PTPDC1: variants seen among roughly 807,000 people sequenced by gnomAD.
PTPDC1 encodes protein tyrosine phosphatase domain-containing protein 1.
Under a neutral mutation model 75.3 loss-of-function variants are expected in PTPDC1, and 53 were observed. The ratio of observed to expected loss-of-function variants is 0.70; its 90% CI spans 0.56 to 0.88. The LOEUF (loss-of-function observed/expected upper bound fraction) is 0.88. Among genes scored for constraint, PTPDC1 ranks in the 40% least tolerant of loss-of-function variants. PTPDC1 has a pLI of 0.00. For missense variants in PTPDC1, 925 were observed against 998.6 expected (o/e 0.93, Z 0.99); for synonymous variants, 349 against 366.2 (o/e 0.95, Z 0.54).
chr9:94,073,165 A>G (rs1826572574), intron 2 of PTPDC1, among the ~76,000 whole-genome samples: 1 of 152,162 alleles, frequency 6.6e-6, no homozygotes, highest in Non-Finnish European at 1.5e-5. Flanking sequence ...CTTTTGGGGA[A>G]CTTTTTGTTT....
chr9:94,101,523 T>C, intron 6 of PTPDC1, 43 bp from the exon 7 acceptor site: 1 of 1,491,594 alleles, frequency 6.7e-7, no homozygotes, highest in Non-Finnish European at 9.3e-7. Context: ...CTCCTCTCCC[T>C]GTCTCTGTCT....
intron 2 of PTPDC1, among the ~76,000 whole-genome samples, chr9:94,067,115 C>T (rs1047589758): frequency 2.0e-5 from 3 of 152,210 alleles, no homozygotes; most frequent in Admixed American, 6.5e-5. Context: ...ATTGGCTGGG[C>T]GCGGTAGCTC....
intron 2 of PTPDC1, among the ~76,000 whole-genome samples, chr9:94,078,964 A>AT (rs1826786932): frequency 6.6e-6 from 1 of 152,234 alleles, no homozygotes; most frequent in Non-Finnish European, 1.5e-5. Context: ...AGGCTTTGGT[A>AT]TATCAGATGC....
intron 2 of PTPDC1, 49 bp downstream of exon 2, chr9:94,085,471 C>T (rs1005961807): frequency 6.3e-7 from 1 of 1,597,576 alleles, no homozygotes; most frequent in Non-Finnish European, 8.6e-7. Context: ...ACAGGAAGGA[C>T]ACTCTGTGTG....
rs375301116 is a variant in PTPDC1 at position 94,087,935 on chromosome 9, C to T, written c.497+24C>T. ...AGGTAAATGCTGTATTGTTCACACACGAGTGAGCAAACTCATGTGTTTTTT... is the reference window on the plus strand; with the variant it reads ...AGGTAAATGCTGTATTGTTCACACATGAGTGAGCAAACTCATGTGTTTTTT... On this transcript the variant is annotated intron_variant, in intron 3 of 8. Transcript: ENST00000620992. The T allele has an allele frequency of 3.6e-5, 56 of 1,572,184 alleles. No homozygotes were observed. The South Asian group carries it at 3.8e-4, about 11-fold the overall frequency.
At chr9:94,064,828 T>C in intron 2 of PTPDC1, 1 of 1,601,194 alleles carries the variant, frequency 6.2e-7, no homozygotes, top group African/African-American at 1.3e-5. Context: ...AAAGGTAATG[T>C]CTCTTTAATA....
At chr9:94,053,823 C>G (rs1288901790) in intron 1 of PTPDC1, among the ~76,000 whole-genome samples, 3 of 152,140 alleles carry the variant, frequency 2.0e-5, no homozygotes, top group Admixed American at 2.0e-4. Flanking sequence ...AAGGATAGTG[C>G]TATTTCTTGT....
At chr9:94,044,289 A>G (rs762359612) in intron 1 of PTPDC1, among the ~76,000 whole-genome samples, 1 of 152,190 alleles carries the variant, frequency 6.6e-6, no homozygotes, top group Non-Finnish European at 1.5e-5. Flanking sequence ...AGAACACAAA[A>G]TATTTCTTCA....
chr9:94,031,643 G>GA (rs1829729293), intron 1 of PTPDC1, among the ~76,000 whole-genome samples: 1 of 151,898 alleles, frequency 6.6e-6, no homozygotes, highest in African/African-American at 2.4e-5. Flanking sequence ...TTCTTAGGGG[G>GA]AAAAAAGATC....
chr9:94,091,999 G>A (rs973490642), intron 4 of PTPDC1, among the ~76,000 whole-genome samples: 11 of 146,846 alleles, frequency 7.5e-5, no homozygotes, highest in East Asian at 5.9e-4. Context: ...TCTTGCTAGC[G>A]GTCTATCAAT....
chr9:94,095,586 G>A (rs1827534426), intron 5 of PTPDC1, 132 bp downstream of exon 5: 2 of 681,422 alleles, frequency 2.9e-6, no homozygotes, highest in Non-Finnish European at 2.5e-6. Context: ...AAGGGAATAA[G>A]TTCTAGTGTT....
intron 1 of PTPDC1, among the ~76,000 whole-genome samples, chr9:94,060,285 G>A (rs1419229639): frequency 2.6e-5 from 4 of 152,212 alleles, no homozygotes; most frequent in Non-Finnish European, 5.9e-5. Flanking sequence ...TACCAGAGCT[G>A]TGTAATGATG....
intron 1 of PTPDC1, among the ~76,000 whole-genome samples, chr9:94,048,062 AT>A (rs1825670158): frequency 6.6e-6 from 1 of 152,118 alleles, no homozygotes; most frequent in African/African-American, 2.4e-5. Context: ...TCCCTTTATC[AT>A]TTTTTATTGC....
chr9:94,094,104 C>A (rs1827436163), intron 4 of PTPDC1, among the ~76,000 whole-genome samples: 1 of 152,240 alleles, frequency 6.6e-6, no homozygotes, highest in Admixed American at 6.5e-5. Flanking sequence ...CTCCATCCAG[C>A]TTTGTTCCGT....
intron 7 of PTPDC1, among the ~76,000 whole-genome samples, chr9:94,102,620 C>T (rs1172027054): frequency 1.3e-5 from 2 of 151,924 alleles, no homozygotes; most frequent in East Asian, 1.9e-4. Flanking sequence ...GCTCTTGTTG[C>T]CCAGGCTGGA....
intron 2 of PTPDC1, 130 bp downstream of exon 2, chr9:94,085,552 T>G (rs1263066917): frequency 2.2e-6 from 2 of 928,524 alleles, no homozygotes. Context: ...TGCCAGTCAG[T>G]TCTGGCTTTG....
chr9:94,053,141 C>T (rs1424634411), intron 1 of PTPDC1, among the ~76,000 whole-genome samples: 1 of 152,074 alleles, frequency 6.6e-6, no homozygotes, highest in Non-Finnish European at 1.5e-5. Flanking sequence ...TGATTAGTCT[C>T]CTGAGAGCCT....
intron 2 of PTPDC1, among the ~76,000 whole-genome samples, chr9:94,075,228 C>A (rs1473084532): frequency 4.6e-5 from 7 of 152,134 alleles, no homozygotes; most frequent in Non-Finnish European, 1.0e-4. Flanking sequence ...AATTAGCTCC[C>A]TGATCAGCCC....
chr9:94,107,983 G>T lies in PTPDC1; in HGVS notation c.*39G>T. The stretch of plus-strand genomic sequence containing the variant: ...TGAATATTTCAGACCTAAAGATCCA[G>T]ATAGTATCTCTGTTCATATGTGAAT... On this transcript the variant is annotated 3_prime_UTR_variant, in exon 9 of 9. Coordinates refer to ENST00000620992, the MANE Select transcript of PTPDC1 (RefSeq NM_001253829.2). The T allele has an allele frequency of 1.6e-6, 2 of 1,231,970 alleles. No homozygotes were observed. Among genetic ancestry groups the T allele is most frequent in the Non-Finnish European group, 2.3e-6 (2 of 878,752 alleles). 76.3% of individuals were successfully genotyped at this position (1,231,970 alleles called of 1,614,324 possible).
Sources: gnomAD v4.1 joint callset for allele counts (sites outside exome capture counted in the v4.1 genomes callset) on GRCh38, gnomAD v4.1.1 for gene constraint, MANE v1.5 for transcripts, NCBI Gene and HGNC (gene_info 2026-07-23, HGNC 2026-07-21) for gene names.